Variants in SNTG2 observed in about 807,000 individuals in gnomAD.
SNTG2 encodes the protein syntrophin gamma 2.
A neutral mutation model predicts 70.9 loss-of-function variants in SNTG2; 74 were observed. The observed-to-expected ratio is 1.04, with a 90% confidence interval of 0.86 to 1.27. The LOEUF (loss-of-function observed/expected upper bound fraction) is 1.27, where lower values mean the gene tolerates loss of function less well. SNTG2 is among the 50% of genes most tolerant of loss of function. The pLI is 0.00. For missense variants in SNTG2, 717 were observed against 690.7 expected (o/e 1.04, Z -0.43); for synonymous variants, 278 against 273.8 (o/e 1.02, Z -0.15).
intron 9 of SNTG2, among the ~76,000 whole-genome samples, chr2:1,227,442 C>A (rs1272794576): frequency 6.6e-6 from 1 of 152,236 alleles, no homozygotes; most frequent in East Asian, 1.9e-4. Flanking sequence ...GGTGGGTGTT[C>A]GCTCCGGAAG....
intron 14 of SNTG2, among the ~76,000 whole-genome samples, chr2:1,302,250 C>G (rs184564263): frequency 1.5e-3 from 232 of 152,108 alleles, no homozygotes; most frequent in African/African-American, 5.1e-3. Flanking sequence ...TGAGCCACCG[C>G]GCCCGGCCTG....
At chr2:993,884 T>G (rs1051856048) in intron 1 of SNTG2, among the ~76,000 whole-genome samples, 1 of 152,180 alleles carries the variant, frequency 6.6e-6, no homozygotes, top group Admixed American at 6.5e-5. Flanking sequence ...AAAAATAATT[T>G]TATGTTCTGG....
chr2:1,159,489 G>A (rs899628237), intron 6 of SNTG2: 2 of 151,896 alleles, frequency 1.3e-5, no homozygotes, highest in African/African-American at 4.8e-5. Flanking sequence ...TAGCTATACT[G>A]GTGTAAAAAG....
At chr2:1,105,218 G>T (rs1666035130) in intron 4 of SNTG2, among the ~76,000 whole-genome samples, 1 of 152,138 alleles carries the variant, frequency 6.6e-6, no homozygotes, top group Non-Finnish European at 1.5e-5. Flanking sequence ...TTTGGTGGGG[G>T]TGGGGTGAGT....
chr2:1,285,287 C>A (rs1370263952), intron 14 of SNTG2, among the ~76,000 whole-genome samples: 1 of 152,116 alleles, frequency 6.6e-6, no homozygotes, highest in Non-Finnish European at 1.5e-5. Flanking sequence ...TTTGCCAACA[C>A]CCTCATAGAA....
intron 6 of SNTG2, among the ~76,000 whole-genome samples, chr2:1,162,968 C>T (rs1030208859): frequency 2.0e-5 from 3 of 152,190 alleles, no homozygotes; most frequent in Non-Finnish European, 4.4e-5. Context: ...GGAGGAAAGA[C>T]GCCTTGGAGA....
chr2:1,062,805 C>T (rs1572340126), intron 1 of SNTG2, among the ~76,000 whole-genome samples: 2 of 152,284 alleles, frequency 1.3e-5, no homozygotes, highest in East Asian at 1.9e-4. Context: ...TGTCAACCTA[C>T]ACTTCATGGT....
At chr2:1,311,573 T>C (rs1178762073) in intron 15 of SNTG2, among the ~76,000 whole-genome samples, 1 of 152,224 alleles carries the variant, frequency 6.6e-6, no homozygotes, top group East Asian at 1.9e-4. Flanking sequence ...ATTTGTGAGT[T>C]TGGCGTCAGT....
chr2:1,018,430 A>G (rs899524538), intron 1 of SNTG2, among the ~76,000 whole-genome samples: 6 of 152,160 alleles, frequency 3.9e-5, no homozygotes, highest in Admixed American at 6.5e-5. Flanking sequence ...TGGGCCCTCC[A>G]GGAATCCCTG....
chr2:1,305,711 T>C (rs1680640889), intron 14 of SNTG2, among the ~76,000 whole-genome samples: 1 of 152,210 alleles, frequency 6.6e-6, no homozygotes, highest in South Asian at 2.1e-4. Context: ...AGGATACTGA[T>C]TGATTAATTC....
chr2:1,352,074 C>T (rs1190554902), intron 16 of SNTG2, among the ~76,000 whole-genome samples: 1 of 152,208 alleles, frequency 6.6e-6, no homozygotes, highest in Non-Finnish European at 1.5e-5. Context: ...CCCTGCACAG[C>T]CCCACAGGGT....
chr2:1,267,667 G>A, intron 14 of SNTG2, 96 bp downstream of exon 14: 1 of 1,112,672 alleles, frequency 9.0e-7, no homozygotes, highest in Non-Finnish European at 1.3e-6. Context: ...GGGAAAAGAG[G>A]AATCTTCAGA....
rs1400895807 is a variant in SNTG2 at position 1,009,625 on chromosome 2, G to GGT, written c.72+58559_72+58560dup. ...CAGGAAGACTGCTGGTTCTGATACTGGTGGGTCGTGTGTATGGCAGCCACA... is the reference window on the plus strand; with the variant it reads ...CAGGAAGACTGCTGGTTCTGATACTGGTGTGGGTCGTGTGTATGGCAGCCACA... On this transcript the variant is annotated intron_variant, in intron 1 of 16. Coordinates refer to ENST00000308624, the MANE Select transcript of SNTG2 (RefSeq NM_018968.4). Among the ~76,000 whole-genome samples the GGT allele has an allele frequency of 2.3e-3, 108 of 47,840 alleles. 3 individuals are homozygous for GGT. Among genetic ancestry groups the GGT allele is most frequent in the South Asian group, 8.2e-3 (11 of 1,342 alleles). The allele number at this position is 47,840 out of a possible 152,430, so 31.4% of individuals were successfully genotyped here.
chr2:1,315,174 T>C (rs1015332340), intron 15 of SNTG2, among the ~76,000 whole-genome samples: 1 of 152,216 alleles, frequency 6.6e-6, no homozygotes, highest in African/African-American at 2.4e-5. Context: ...AACTATTCCC[T>C]AAGATCCTAT....
At chr2:1,099,024 A>G (rs1463569564) in intron 4 of SNTG2, among the ~76,000 whole-genome samples, 1 of 152,198 alleles carries the variant, frequency 6.6e-6, no homozygotes, top group Non-Finnish European at 1.5e-5. Context: ...ACATTCCACT[A>G]TCGGGTAGAC....
rs140707544 is a variant in SNTG2, at chr2:1,097,288, G to A, written c.211-908G>A. Among the ~76,000 whole-genome samples the A allele has an allele frequency of 3.1e-4, 47 of 152,172 alleles. No homozygotes were observed. The highest frequency in any genetic ancestry group is 5.7e-4 in the Non-Finnish European group (39 of 68,032). On this transcript the variant is annotated intron_variant, in intron 2 of 16. Transcript: ENST00000308624. This position sits in a 1 kb window ranked among gnomAD's most constrained non-coding sequence, Gnocchi z 4.1. ...GCGGGAGCTCCCAGGTCCCCCCTTC[G>A]GCGTGGGCTCTGCCACCCTTTTACT...
At chr2:1,255,835 T>TATATATAA (rs1442957394) in intron 12 of SNTG2, among the ~76,000 whole-genome samples, 1 of 83,796 alleles carries the variant, frequency 1.2e-5, no homozygotes, top group Non-Finnish European at 2.6e-5. Flanking sequence ...TATATATAAA[T>TATATATAA]ATATATAAAT....
chr2:1,180,734 T>C (rs1362332344), intron 8 of SNTG2, among the ~76,000 whole-genome samples: 33 of 151,646 alleles, frequency 2.2e-4, no homozygotes, highest in Admixed American at 8.5e-4. Flanking sequence ...ACCCAAAGGA[T>C]TATAAATCAT....
At chr2:969,953 G>A (rs1482198965) in intron 1 of SNTG2, among the ~76,000 whole-genome samples, 1 of 152,254 alleles carries the variant, frequency 6.6e-6, no homozygotes, top group East Asian at 1.9e-4. Context: ...GTTCTCCAGG[G>A]GAACTTCCAG....
Sources: gnomAD v4.1 joint callset for allele counts (sites outside exome capture counted in the v4.1 genomes callset) on GRCh38, gnomAD v4.1.1 for gene constraint, Gnocchi (gnomAD v3.1) non-coding constraint, MANE v1.5 for transcripts, NCBI Gene and HGNC (gene_info 2026-07-23, HGNC 2026-07-21) for gene names.